The following FOXP1 variants were observed in gnomAD, a reference collection of about 807,000 sequenced individuals.
FOXP1 encodes the protein forkhead box protein P1.
In FOXP1, 15 loss-of-function variants were observed where a neutral mutation model predicts 98.2. That is an observed-to-expected ratio of 0.15 (90% CI 0.10 to 0.24). The LOEUF (loss-of-function observed/expected upper bound fraction) is 0.24. Ranked by LOEUF, FOXP1 falls within the 10% of genes least tolerant of loss-of-function variation. The probability of loss-of-function intolerance (pLI) is 1.00; values close to 1 mark genes in which losing one functional copy is unlikely to be tolerated. For missense variants in FOXP1, 633 were observed against 848.5 expected (o/e 0.75, Z 3.15); for synonymous variants, 371 against 314.5 (o/e 1.18, Z -1.90).
intron 4 of FOXP1, among the ~76,000 whole-genome samples, chr3:71,314,076 G>A (rs1435029459): frequency 1.3e-5 from 2 of 152,092 alleles, no homozygotes; most frequent in Admixed American, 6.5e-5. Flanking sequence ...TGCTTTTGTA[G>A]AATAAATGCA....
intron 5 of FOXP1, among the ~76,000 whole-genome samples, chr3:71,229,454 A>G (rs569861085): frequency 5.3e-5 from 8 of 152,210 alleles, no homozygotes; most frequent in Admixed American, 2.0e-4. Context: ...AAATTCCCCA[A>G]TGAAACATAA....
chr3:71,057,291 CTTTTTTTTTTTTTTTTT>C (rs10670020), intron 7 of FOXP1, among the ~76,000 whole-genome samples: 219 of 7,480 alleles, frequency 0.029, no homozygotes, highest in East Asian at 0.11. Context: ...AAAAACGAAA[CTTTTTTTTTTTTTTTTT>C]TTTTTTTTTT....
intron 10 of FOXP1, among the ~76,000 whole-genome samples, chr3:71,045,347 C>G (rs138370159): frequency 2.0e-5 from 3 of 152,276 alleles, no homozygotes; most frequent in African/African-American, 7.2e-5. Context: ...CTTGTCACTG[C>G]CCAATTGCCC....
intron 12 of FOXP1, among the ~76,000 whole-genome samples, chr3:71,004,378 AT>A (rs1238407096): frequency 6.6e-6 from 1 of 152,138 alleles, no homozygotes; most frequent in Non-Finnish European, 1.5e-5. Context: ...GTAATATGAA[AT>A]TCTGATAATC....
intron 3 of FOXP1, among the ~76,000 whole-genome samples, chr3:71,398,836 A>T (rs969934886): frequency 3.9e-5 from 6 of 152,196 alleles, no homozygotes; most frequent in African/African-American, 1.4e-4. Context: ...AAGGTGCTCA[A>T]AAAGGAAATA....
At chr3:71,199,584 A>T (rs980373913) in intron 5 of FOXP1, among the ~76,000 whole-genome samples, 1 of 151,214 alleles carries the variant, frequency 6.6e-6, no homozygotes, top group Non-Finnish European at 1.5e-5. Flanking sequence ...AAAAAAGAAA[A>T]AAAAAATTAG....
Position 71,429,512 on chromosome 3 carries a change from G to A in FOXP1, c.-168+63914C>T, listed in dbSNP as rs187945900. Among the ~76,000 whole-genome samples, 636 of 151,190 alleles carry A rather than the reference G, an allele frequency of 4.2e-3. 4 individuals are homozygous for A. The highest frequency in any genetic ancestry group is 6.6e-3 in the Non-Finnish European group (448 of 67,770). On this transcript the variant is annotated intron_variant, in intron 3 of 20. Coordinates refer to ENST00000649528, the MANE Select transcript of FOXP1 (RefSeq NM_001349338.3). ...GGGGCGGGAGGGGGGGTACTGAAACGTCCCTGTCCATCTGTTGATGTCTGG... is the reference window on the plus strand; with the variant it reads ...GGGGCGGGAGGGGGGGTACTGAAACATCCCTGTCCATCTGTTGATGTCTGG...
chr3:71,473,332 T>TG (rs766349307), intron 3 of FOXP1, among the ~76,000 whole-genome samples: 3 of 152,056 alleles, frequency 2.0e-5, no homozygotes, highest in Non-Finnish European at 4.4e-5. Flanking sequence ...TATGCTCCCC[T>TG]GAAATACACT....
intron 5 of FOXP1, among the ~76,000 whole-genome samples, chr3:71,231,667 G>A (rs2066298553): frequency 6.6e-6 from 1 of 152,172 alleles, no homozygotes; most frequent in African/African-American, 2.4e-5. Flanking sequence ...AGTTAAGACA[G>A]AAAAATTCCA....
intron 4 of FOXP1, among the ~76,000 whole-genome samples, chr3:71,303,998 A>G (rs551992084): frequency 6.6e-6 from 1 of 152,278 alleles, no homozygotes; most frequent in African/African-American, 2.4e-5. Flanking sequence ...TATCAAAGAA[A>G]TGTGCGACTT....
rs148399607 is a variant in FOXP1 at position 70,960,149 on chromosome 3, C to A, written c.1890-758G>T. 3.1e-3 allele frequency among the ~76,000 whole-genome samples: 476 copies of A among 152,264 alleles called. 7 individuals carry two copies. The highest frequency in any genetic ancestry group is 0.011 in the African/African-American group (454 of 41,548). Reference sequence around the variant, plus strand: ...TTCAAGCAAACACAGCAAAGAGACACCATGATATACATGCTTGAAACTCCA... The same window carrying A: ...TTCAAGCAAACACAGCAAAGAGACAACATGATATACATGCTTGAAACTCCA... On this transcript the variant is annotated intron_variant, in intron 20 of 20. Coordinates refer to ENST00000649528, the MANE Select transcript of FOXP1 (RefSeq NM_001349338.3).
intron 5 of FOXP1, among the ~76,000 whole-genome samples, chr3:71,251,892 G>A (rs367558145): frequency 5.6e-4 from 85 of 152,170 alleles, no homozygotes; most frequent in African/African-American, 1.8e-3. Flanking sequence ...ACACACTACC[G>A]GATGGCAACC....
chr3:71,511,758 T>C (rs1189458280), intron 2 of FOXP1, among the ~76,000 whole-genome samples: 1 of 152,214 alleles, frequency 6.6e-6, no homozygotes, highest in Non-Finnish European at 1.5e-5. Context: ...CATGGTTCAA[T>C]GACTTAAAAA....
intron 4 of FOXP1, among the ~76,000 whole-genome samples, chr3:71,316,541 C>A (rs2075085035): frequency 1.3e-5 from 2 of 152,188 alleles, no homozygotes; most frequent in Non-Finnish European, 2.9e-5. Flanking sequence ...CTGGAACAAG[C>A]ACAACAGTGG....
At chr3:71,470,646 C>A (rs1025298055) in intron 3 of FOXP1, among the ~76,000 whole-genome samples, 2 of 152,032 alleles carry the variant, frequency 1.3e-5, no homozygotes, top group East Asian at 3.9e-4. Context: ...GGCTGAGGCA[C>A]GAGAATTGCT....
chr3:71,013,805 T>C (rs967522183), intron 12 of FOXP1, among the ~76,000 whole-genome samples: 9 of 152,112 alleles, frequency 5.9e-5, no homozygotes, highest in African/African-American at 2.2e-4. Flanking sequence ...AACAGGGATA[T>C]AGACCAAGGG....
chr3:70,967,714 T>TG (rs2035235354), intron 19 of FOXP1, among the ~76,000 whole-genome samples: 1 of 137,090 alleles, frequency 7.3e-6, no homozygotes, highest in Non-Finnish European at 1.5e-5. Flanking sequence ...TTTTTTGTTT[T>TG]TTTTTTTTTT....
At chr3:71,117,835 C>T (rs2058483712) in intron 6 of FOXP1, among the ~76,000 whole-genome samples, 1 of 152,136 alleles carries the variant, frequency 6.6e-6, no homozygotes, top group African/African-American at 2.4e-5. Flanking sequence ...TATTTTCATG[C>T]TAGGCTCGGG....
chr3:71,052,901 A>G (rs1015799110), intron 8 of FOXP1, among the ~76,000 whole-genome samples: 1 of 152,210 alleles, frequency 6.6e-6, no homozygotes, highest in African/African-American at 2.4e-5. Context: ...ATTGTACAAC[A>G]AAGCTGAAAT....
Sources: allele counts gnomAD v4.1 joint callset (sites outside exome capture counted in the v4.1 genomes callset), GRCh38; gene constraint gnomAD v4.1.1; transcripts MANE v1.5; gene names NCBI Gene and HGNC (gene_info 2026-07-23, HGNC 2026-07-21).